Variants in CA10 observed in about 807,000 individuals in gnomAD.
CA10 encodes the protein carbonic anhydrase-related protein 10.
CA10 carries 14 observed loss-of-function variants against 44.2 expected under a neutral mutation model. That is an observed-to-expected ratio of 0.32 (90% confidence interval 0.21 to 0.50). The LOEUF (loss-of-function observed/expected upper bound fraction) is 0.50. CA10 is among the 20% of genes least tolerant of loss of function. The pLI, the probability that CA10 is intolerant of heterozygous loss-of-function variation, is 0.99. For synonymous variants in CA10, 159 were observed against 141.6 expected (o/e 1.12, Z -0.87); for missense variants, 350 against 409.7 (o/e 0.85, Z 1.26).
chr17:51,802,738 T>C (rs1906983388), intron 3 of CA10, among the ~76,000 whole-genome samples: 1 of 152,114 alleles, frequency 6.6e-6, no homozygotes, highest in Non-Finnish European at 1.5e-5. Context: ...CATGTGCAGA[T>C]GACACTGACA....
intron 3 of CA10, among the ~76,000 whole-genome samples, chr17:51,790,518 A>G (rs902514651): frequency 1.3e-4 from 20 of 152,132 alleles, no homozygotes; most frequent in Admixed American, 2.6e-4. Flanking sequence ...CTATTTGTCT[A>G]CCTTGAACAC....
chr17:51,972,517 T>C (rs763169180), intron 2 of CA10, among the ~76,000 whole-genome samples: 6 of 152,040 alleles, frequency 3.9e-5, no homozygotes, highest in South Asian at 4.1e-4. Context: ...ACCATTGATA[T>C]AGAGATTCGT....
chr17:51,917,361 C>A (rs964099758), intron 3 of CA10, among the ~76,000 whole-genome samples: 1 of 106,030 alleles, frequency 9.4e-6, no homozygotes, highest in African/African-American at 2.6e-5. Flanking sequence ...GTACTGAAGG[C>A]TGCCTCCCTA....
At chr17:52,037,777 C>T (rs998320146) in intron 2 of CA10, among the ~76,000 whole-genome samples, 2 of 152,246 alleles carry the variant, frequency 1.3e-5, no homozygotes, top group East Asian at 1.9e-4. Flanking sequence ...CTTTTCTAGC[C>T]TCTGTGCCTT....
At chr17:51,926,909 C>A (rs901671017) in intron 3 of CA10, among the ~76,000 whole-genome samples, 1 of 152,162 alleles carries the variant, frequency 6.6e-6, no homozygotes, top group Non-Finnish European at 1.5e-5. Context: ...CCACATTTAT[C>A]AACTCCAAAT....
intron 2 of CA10, among the ~76,000 whole-genome samples, chr17:52,017,997 G>C (rs114282250): frequency 0.011 from 1,624 of 152,248 alleles, 31 homozygotes; most frequent in African/African-American, 0.037. Context: ...CAAGTTGTAA[G>C]CCTTTTCAGC....
At chr17:52,073,982 TC>T (rs1987752302) in intron 1 of CA10, among the ~76,000 whole-genome samples, 1 of 152,130 alleles carries the variant, frequency 6.6e-6, no homozygotes, top group Non-Finnish European at 1.5e-5. Flanking sequence ...GCTGCAAAAT[TC>T]CCCAAGTGGG....
At chr17:51,783,555 T>A (rs1252114958) in intron 3 of CA10, among the ~76,000 whole-genome samples, 1 of 151,980 alleles carries the variant, frequency 6.6e-6, no homozygotes, top group African/African-American at 2.4e-5. Flanking sequence ...CAATCCAGGC[T>A]TTTTCTATTC....
intron 3 of CA10, among the ~76,000 whole-genome samples, chr17:51,837,661 G>T (rs1467295547): frequency 6.6e-6 from 1 of 152,140 alleles, no homozygotes; most frequent in African/African-American, 2.4e-5. Flanking sequence ...AGTGCCTTTT[G>T]TTTGTGCATG....
rs569930650 is a variant in CA10 at position 52,119,036 on chromosome 17, A to G, written c.61+38690T>C. Among the ~76,000 whole-genome samples the G allele has an allele frequency of 2.0e-5, 3 of 152,326 alleles. 1 individual carries two copies. In the South Asian group the frequency reaches 6.2e-4, roughly 32 times the overall value. The stretch of plus-strand genomic sequence containing the variant: ...ATGGACTGAACTAATAGAAAACTGA[A>G]GTAGCCTTTTTAAATGTTTGCTTAG... On this transcript the variant is annotated intron_variant, in intron 1 of 8. Transcript: ENST00000451037.
chr17:51,748,444 A>G (rs1904782648), intron 3 of CA10: 2 of 982,478 alleles, frequency 2.0e-6, no homozygotes, highest in Non-Finnish European at 2.4e-6. Context: ...TCCTGATTCC[A>G]TCTTGCTCCA....
rs182013512 is a variant in CA10 at position 51,699,093 on chromosome 17, G to A, written c.466-45357C>T. On this transcript the variant is annotated intron_variant, in intron 4 of 8. Transcript: ENST00000451037. ...CCCAGCACTTTGGGAGGCCAAGGTG[G>A]GTGGATCACCTGAGGTCAGGTGTTT... 2.6e-5 allele frequency among the ~76,000 whole-genome samples: 4 copies of A among 152,212 alleles called. No homozygotes were observed. In the South Asian group the frequency reaches 8.3e-4, roughly 32 times the overall value.
intron 3 of CA10, among the ~76,000 whole-genome samples, chr17:51,872,361 G>A (rs547663674): frequency 1.2e-4 from 19 of 152,162 alleles, no homozygotes; most frequent in South Asian, 2.1e-4. Context: ...TCTCTCCTTC[G>A]TAGGGCTCAT....
At chr17:51,897,154 T>C (rs1844965006) in intron 3 of CA10, among the ~76,000 whole-genome samples, 1 of 152,148 alleles carries the variant, frequency 6.6e-6, no homozygotes, top group Non-Finnish European at 1.5e-5. Context: ...AGAGCCTATG[T>C]CCAGAATGGT....
At chr17:51,799,683 G>T (rs961582351) in intron 3 of CA10, among the ~76,000 whole-genome samples, 2 of 152,114 alleles carry the variant, frequency 1.3e-5, no homozygotes, top group African/African-American at 4.8e-5. Flanking sequence ...TAGGGTAAAG[G>T]CTCAATAAAA....
chr17:51,777,462 T>C (rs923476171), intron 3 of CA10, among the ~76,000 whole-genome samples: 5 of 152,222 alleles, frequency 3.3e-5, no homozygotes, highest in African/African-American at 1.2e-4. Flanking sequence ...ACAAGAGTTC[T>C]GCTGAGCCCA....
chr17:52,115,135 C>G (rs771514770), intron 1 of CA10, among the ~76,000 whole-genome samples: 7 of 152,198 alleles, frequency 4.6e-5, no homozygotes, highest in Non-Finnish European at 2.9e-5. Flanking sequence ...AGGGGAGGAG[C>G]CTGGCCTCTT....
chr17:51,723,722 T>G (rs1338193741), intron 4 of CA10, among the ~76,000 whole-genome samples: 6 of 152,232 alleles, frequency 3.9e-5, no homozygotes, highest in Non-Finnish European at 8.8e-5. Flanking sequence ...CCCTTTTATC[T>G]TTGCCGAAAT....
At chr17:51,763,957 T>G (rs1188077614) in intron 3 of CA10, among the ~76,000 whole-genome samples, 2 of 151,980 alleles carry the variant, frequency 1.3e-5, no homozygotes, top group Non-Finnish European at 2.9e-5. Flanking sequence ...AAGCCCTTAT[T>G]TTACCATATT....
Sources: gnomAD v4.1 joint callset for allele counts (sites outside exome capture counted in the v4.1 genomes callset) on GRCh38, gnomAD v4.1.1 for gene constraint, MANE v1.5 for transcripts, NCBI Gene and HGNC (gene_info 2026-07-23, HGNC 2026-07-21) for gene names.